Variants in DMD observed in about 807,000 individuals in gnomAD.
DMD encodes mutant dystrophin.
DMD carries 63 observed loss-of-function variants against 330.1 expected under a neutral mutation model. The observed-to-expected ratio is 0.19, with a 90% CI of 0.16 to 0.24. DMD has a LOEUF of 0.24. Among genes scored for constraint, DMD ranks in the 10% least tolerant of loss-of-function variants. The pLI is 1.00. For missense variants in DMD, 3,344 were observed against 2,684.1 expected (o/e 1.25, Z -5.43); for synonymous variants, 1,223 against 959.8 (o/e 1.27, Z -5.07).
intron 1 of DMD, among the ~76,000 whole-genome samples, chrX:33,259,752 G>T (rs1197764244): frequency 9.1e-6 from 1 of 109,505 alleles, no homozygotes; most frequent in Non-Finnish European, 1.9e-5. Context: ...CCACTCATCT[G>T]TTTACTGTGA....
chrX:31,757,284 G>C (rs1317761830), intron 51 of DMD, among the ~76,000 whole-genome samples: 1 of 111,034 alleles, frequency 9.0e-6, no homozygotes, highest in Admixed American at 9.6e-5. Flanking sequence ...TAAATTTTGG[G>C]CAATTTAATT....
At chrX:31,174,579 A>G (rs1436415308) in intron 71 of DMD, among the ~76,000 whole-genome samples, 16 of 111,595 alleles carry the variant, frequency 1.4e-4, no homozygotes, top group Admixed American at 1.4e-3. Context: ...CTGCTGACAC[A>G]GAAAGCCCTT....
At chrX:32,423,590 A>C (rs766819698) in intron 29 of DMD, among the ~76,000 whole-genome samples, 2 of 110,923 alleles carry the variant, frequency 1.8e-5, no homozygotes, top group South Asian at 7.4e-4. Context: ...AAAACATTTA[A>C]CTACTGTTTT....
intron 7 of DMD, among the ~76,000 whole-genome samples, chrX:32,765,321 G>A (rs1419814173): frequency 9.1e-6 from 1 of 110,030 alleles, no homozygotes; most frequent in Non-Finnish European, 1.9e-5. Flanking sequence ...GTGATAGAGA[G>A]TTCTTATGAA....
At chrX:31,582,568 G>A (rs2076391126) in intron 55 of DMD, among the ~76,000 whole-genome samples, 1 of 111,940 alleles carries the variant, frequency 8.9e-6, no homozygotes, top group Non-Finnish European at 1.9e-5. Flanking sequence ...ACAAGTTACC[G>A]GAGTTTTCTA....
chrX:31,825,412 T>C (rs950023186), intron 49 of DMD, among the ~76,000 whole-genome samples: 1 of 111,487 alleles, frequency 9.0e-6, no homozygotes, highest in African/African-American at 3.3e-5. Context: ...AGGGATTGAT[T>C]TAAATACTGC....
intron 7 of DMD, among the ~76,000 whole-genome samples, chrX:32,790,440 A>G (rs1012732652): frequency 9.0e-6 from 1 of 111,559 alleles, no homozygotes; most frequent in Non-Finnish European, 1.9e-5. Flanking sequence ...TACTGTGCAA[A>G]GGCATTGCTT....
At chrX:32,224,545 G>T (rs1017747452) in intron 43 of DMD, among the ~76,000 whole-genome samples, 1 of 111,243 alleles carries the variant, frequency 9.0e-6, no homozygotes, top group African/African-American at 3.3e-5. Flanking sequence ...TGCTCACTCT[G>T]GTAGTTCTGC....
intron 54 of DMD, among the ~76,000 whole-genome samples, chrX:31,657,228 A>T (rs886484596): frequency 8.9e-6 from 1 of 111,818 alleles, no homozygotes. Flanking sequence ...CTGCAAAGGG[A>T]GTCATCATTC....
intron 49 of DMD, among the ~76,000 whole-genome samples, chrX:31,824,362 C>T (rs2092844498): frequency 9.1e-6 from 1 of 110,295 alleles, no homozygotes; most frequent in Non-Finnish European, 1.9e-5. Flanking sequence ...CTCCTGGGTT[C>T]AAGTGATTCT....
chrX:32,985,414 G>A (rs1034120519), intron 2 of DMD, among the ~76,000 whole-genome samples: 1 of 111,486 alleles, frequency 9.0e-6, no homozygotes, highest in Non-Finnish European at 1.9e-5. Flanking sequence ...AAGGGAAAAC[G>A]ATTAAAACCA....
At chrX:32,291,933 G>A (rs2097472020) in intron 42 of DMD, among the ~76,000 whole-genome samples, 1 of 111,721 alleles carries the variant, frequency 9.0e-6, no homozygotes, top group Non-Finnish European at 1.9e-5. Flanking sequence ...AGCGTACCTT[G>A]GAGTTTAGTG....
At chrX:33,030,501 G>T (rs2094089940) in intron 1 of DMD, among the ~76,000 whole-genome samples, 1 of 111,829 alleles carries the variant, frequency 8.9e-6, no homozygotes. Context: ...TGAGTATGTG[G>T]GTGTAGACTT....
intron 60 of DMD, among the ~76,000 whole-genome samples, chrX:31,412,986 A>G (rs1333150053): frequency 9.0e-6 from 1 of 111,664 alleles, no homozygotes; most frequent in Non-Finnish European, 1.9e-5. Context: ...TTTTCATGTT[A>G]TCTTCTTACT....
intron 30 of DMD, among the ~76,000 whole-genome samples, chrX:32,401,765 C>T (rs2098087558): frequency 8.9e-6 from 1 of 112,076 alleles, no homozygotes; most frequent in African/African-American, 3.2e-5. Flanking sequence ...TGATAGACAC[C>T]CCATTTACCC....
At chrX:33,176,930 T>C (rs914487048) in intron 1 of DMD, among the ~76,000 whole-genome samples, 1 of 111,157 alleles carries the variant, frequency 9.0e-6, no homozygotes, top group African/African-American at 3.3e-5. Context: ...AGAGCAAAAC[T>C]GTGTCTCAAA....
chrX:31,410,911 C>CTG (rs201989245), intron 60 of DMD, among the ~76,000 whole-genome samples: 5,437 of 91,716 alleles, frequency 0.059, 276 homozygotes, highest in East Asian at 0.31. Flanking sequence ...GCTAATTTTT[C>CTG]TGTGTGTGTG....
intron 7 of DMD, among the ~76,000 whole-genome samples, chrX:32,758,560 C>T (rs2855697): frequency 0.48 from 52,706 of 109,713 alleles, 10,093 homozygotes; most frequent in African/African-American, 0.7. Flanking sequence ...CATTGTTATT[C>T]AACGACCAAG....
intron 44 of DMD, among the ~76,000 whole-genome samples, chrX:32,054,897 GGAGA>G (rs1346361174): frequency 9.7e-6 from 1 of 103,202 alleles, no homozygotes; most frequent in African/African-American, 3.5e-5. Context: ...GGGGAGGGGA[GGAGA>G]GAGAGATCAA....
Sources: gnomAD v4.1 joint callset for allele counts (sites outside exome capture counted in the v4.1 genomes callset) on GRCh38, gnomAD v4.1.1 for gene constraint, MANE v1.5 for transcripts, NCBI Gene and HGNC (gene_info 2026-07-23, HGNC 2026-07-21) for gene names.